Variants in ANKHD1 observed in about 807,000 individuals in gnomAD.
ANKHD1 encodes ankyrin repeat and KH domain containing 1.
In ANKHD1, 31 loss-of-function variants were observed where a neutral mutation model predicts 230.5. That is an observed-to-expected ratio of 0.13 (90% CI 0.10 to 0.18). ANKHD1 has a LOEUF of 0.18. Among genes scored for constraint, ANKHD1 ranks in the 10% least tolerant of loss-of-function variants. The probability of loss-of-function intolerance (pLI) is 1.00; values close to 1 mark genes in which losing one functional copy is unlikely to be tolerated. For synonymous variants in ANKHD1, 1,074 were observed against 1,117.6 expected, an observed-to-expected ratio of 0.96 and a Z score of 0.78; for missense variants, 2,256 against 3,071.3, an observed-to-expected ratio of 0.73 and a Z score of 6.27.
At chr5:140,508,719 G>A (rs1427349834) in intron 20 of ANKHD1, among the ~76,000 whole-genome samples, 1 of 151,784 alleles carries the variant, frequency 6.6e-6, no homozygotes, top group African/African-American at 2.4e-5. Context: ...TCACGCCATT[G>A]CACTCCAGCC....
In ANKHD1 at chr5:140,507,456, C is replaced by T. The variant is rs911260208; in HGVS notation, c.3552-329C>T. Among the ~76,000 whole-genome samples the T allele has an allele frequency of 2.6e-5, 4 of 152,146 alleles. No homozygotes were observed. The highest frequency in any genetic ancestry group is 1.9e-4 in the East Asian group (1 of 5,154). ...CCAGGTAGCTGGGATTACAGGCATGCGCCACCACACCCAGCTAATTTTGTA... is the reference window on the plus strand; with the variant it reads ...CCAGGTAGCTGGGATTACAGGCATGTGCCACCACACCCAGCTAATTTTGTA... On this transcript the variant is annotated intron_variant, in intron 19 of 33. Transcript: ENST00000360839. This position sits in a 1 kb window ranked among gnomAD's most constrained non-coding sequence, Gnocchi z 4.1.
intron 5 of ANKHD1, among the ~76,000 whole-genome samples, chr5:140,443,872 A>G (rs746143477): frequency 7.9e-5 from 12 of 152,068 alleles, no homozygotes; most frequent in Non-Finnish European, 1.3e-4. Flanking sequence ...ATAAAAGAGG[A>G]GTTGATCTAA....
intron 5 of ANKHD1, 43 bp downstream of exon 5, chr5:140,441,185 T>A: frequency 6.8e-7 from 1 of 1,477,328 alleles, no homozygotes; most frequent in South Asian, 1.5e-5. Flanking sequence ...AAAATTGACA[T>A]AATTATTACC....
At chr5:140,471,522 A>G (rs1776496224) in intron 10 of ANKHD1, among the ~76,000 whole-genome samples, 1 of 152,198 alleles carries the variant, frequency 6.6e-6, no homozygotes, top group African/African-American at 2.4e-5. Context: ...TGCTGAATCT[A>G]TACCATAGGA....
intron 10 of ANKHD1, among the ~76,000 whole-genome samples, chr5:140,469,783 G>A (rs2126992583): frequency 6.6e-6 from 1 of 151,162 alleles, no homozygotes; most frequent in East Asian, 1.9e-4. Context: ...TCTGATTTAG[G>A]ACCCTATTTC....
intron 24 of ANKHD1, among the ~76,000 whole-genome samples, chr5:140,521,660 A>G (rs1469325350): frequency 6.6e-6 from 1 of 152,056 alleles, no homozygotes; most frequent in African/African-American, 2.4e-5. Flanking sequence ...TCACTCCACA[A>G]ACCATACAAT....
At chr5:140,538,506 G>A (rs1163398900) in intron 32 of ANKHD1, among the ~76,000 whole-genome samples, 1 of 152,132 alleles carries the variant, frequency 6.6e-6, no homozygotes, top group Non-Finnish European at 1.5e-5. Flanking sequence ...AGCTTTGAGG[G>A]AGGCCTCTAC....
chr5:140,511,606 A>G (rs1321382470), intron 22 of ANKHD1, among the ~76,000 whole-genome samples: 1 of 152,194 alleles, frequency 6.6e-6, no homozygotes, highest in African/African-American at 2.4e-5. Flanking sequence ...CTCGCCAACT[A>G]GACTGGTAGG....
intron 1 of ANKHD1, among the ~76,000 whole-genome samples, chr5:140,435,756 A>G (rs1294586057): frequency 6.6e-6 from 1 of 151,990 alleles, no homozygotes; most frequent in Non-Finnish European, 1.5e-5. Context: ...GCTGGTGTCA[A>G]ACTCCTGAGC....
At chr5:140,486,347 G>A (rs1320480393) in intron 13 of ANKHD1, among the ~76,000 whole-genome samples, 1 of 152,152 alleles carries the variant, frequency 6.6e-6, no homozygotes, top group African/African-American at 2.4e-5. Flanking sequence ...TTACAGGCGT[G>A]AGCCACATGC....
At chr5:140,482,540 T>G in intron 10 of ANKHD1, 40 bp from the exon 11 acceptor site, 1 of 1,600,596 alleles carries the variant, frequency 6.2e-7, no homozygotes, top group South Asian at 1.1e-5. Flanking sequence ...ATGGTTAGAC[T>G]GTTGGCATTG....
At chr5:140,514,532 A>G (rs577960169) in intron 24 of ANKHD1, among the ~76,000 whole-genome samples, 9 of 152,266 alleles carry the variant, frequency 5.9e-5, no homozygotes, top group South Asian at 2.1e-4. Context: ...CGTGTCGCCT[A>G]TATGACCAAT....
chr5:140,501,980 T>C (rs1752326511), intron 15 of ANKHD1, among the ~76,000 whole-genome samples: 1 of 151,488 alleles, frequency 6.6e-6, no homozygotes, highest in East Asian at 1.9e-4. Context: ...GGTGGGAGGA[T>C]TGCATGAGGC....
At chr5:140,509,054 C>T (rs1752654201) in intron 20 of ANKHD1, among the ~76,000 whole-genome samples, 1 of 152,160 alleles carries the variant, frequency 6.6e-6, no homozygotes, top group Non-Finnish European at 1.5e-5. Flanking sequence ...GCAACATTTA[C>T]ATTCTTTTAA....
In ANKHD1 at chr5:140,401,894, C is replaced by T. The variant is rs146645246; in HGVS notation, c.-74C>T. 12 of 1,493,874 alleles carry T rather than the reference C, an allele frequency of 8.0e-6. No individual in the cohort carries two copies. The highest frequency in any genetic ancestry group is 1.5e-5 in the African/African-American group (1 of 68,430). The allele number at this position is 1,493,874 out of a possible 1,614,324, so 92.5% of individuals were successfully genotyped here. On this transcript the variant is annotated 5_prime_UTR_variant, in exon 1 of 34. Transcript: ENST00000360839. ...GGAGACGCTTCTTCCTCTTGCTGCT[C>T]TTCTCGTTCCCGAGATCAGCGGCGG... is the stretch of plus-strand genomic sequence containing the variant.
intron 1 of ANKHD1, among the ~76,000 whole-genome samples, chr5:140,411,394 A>T (rs980822530): frequency 1.3e-5 from 2 of 152,124 alleles, no homozygotes; most frequent in Non-Finnish European, 2.9e-5. Flanking sequence ...AGATTCTCCT[A>T]ACTTTCTTTT....
At chr5:140,447,119 G>T (rs1221902093) in intron 6 of ANKHD1, among the ~76,000 whole-genome samples, 1 of 151,888 alleles carries the variant, frequency 6.6e-6, no homozygotes, top group East Asian at 1.9e-4. Context: ...ATATTAGTCA[G>T]TCTGGTCTCC....
chr5:140,494,945 T>G (rs1246965748), intron 14 of ANKHD1, among the ~76,000 whole-genome samples: 1 of 152,238 alleles, frequency 6.6e-6, no homozygotes, highest in African/African-American at 2.4e-5. Flanking sequence ...CAATGAGTTT[T>G]AGTAAATTTA....
At chr5:140,444,115 G>A (rs1374465181) in intron 5 of ANKHD1, among the ~76,000 whole-genome samples, 1 of 119,050 alleles carries the variant, frequency 8.4e-6, no homozygotes, top group African/African-American at 3.3e-5. Context: ...AGCTGAAATA[G>A]ATACACTATG....
Sources: allele counts gnomAD v4.1 joint callset (sites outside exome capture counted in the v4.1 genomes callset), GRCh38; gene constraint gnomAD v4.1.1; non-coding constraint Gnocchi (gnomAD v3.1); transcripts MANE v1.5; gene names NCBI Gene and HGNC (gene_info 2026-07-23, HGNC 2026-07-21).